The following SORCS1 variants were observed in gnomAD, a reference collection of about 807,000 sequenced individuals.
SORCS1 encodes the protein VPS10 domain-containing receptor SorCS1.
In SORCS1, 60 loss-of-function variants were observed where a neutral mutation model predicts 146.1. The observed-to-expected ratio is 0.41, with a 90% confidence interval of 0.33 to 0.51. The LOEUF is 0.51. SORCS1 is among the 20% of genes least tolerant of loss of function. The pLI, the probability that SORCS1 is intolerant of heterozygous loss-of-function variation, is 0.21. For synonymous variants in SORCS1, 637 were observed against 584.0 expected (o/e 1.09, Z -1.31); for missense variants, 1,352 against 1,487.6 (o/e 0.91, Z 1.50).
At chr10:106,911,824 G>T (rs1374096221) in intron 2 of SORCS1, among the ~76,000 whole-genome samples, 2 of 152,082 alleles carry the variant, frequency 1.3e-5, no homozygotes, top group Non-Finnish European at 2.9e-5. Flanking sequence ...ATTAAAAGCT[G>T]CTCAGGGACT....
intron 2 of SORCS1, among the ~76,000 whole-genome samples, chr10:106,903,264 T>C (rs1194250745): frequency 6.6e-6 from 1 of 152,218 alleles, no homozygotes; most frequent in East Asian, 1.9e-4. Context: ...TAAGGATTCA[T>C]GGACTCTTAT....
chr10:107,132,019 A>G (rs1294616791), intron 1 of SORCS1, among the ~76,000 whole-genome samples: 1 of 152,252 alleles, frequency 6.6e-6, no homozygotes, highest in Non-Finnish European at 1.5e-5. Flanking sequence ...AGAAAGTAGC[A>G]AAGTAAAACC....
intron 1 of SORCS1, among the ~76,000 whole-genome samples, chr10:107,123,973 G>A (rs1966550833): frequency 6.6e-6 from 1 of 151,220 alleles, no homozygotes; most frequent in South Asian, 2.1e-4. Context: ...TGTAGTCCCA[G>A]CTACTCGGGA....
At chr10:107,137,850 G>A (rs1164601226) in intron 1 of SORCS1, among the ~76,000 whole-genome samples, 6 of 135,048 alleles carry the variant, frequency 4.4e-5, no homozygotes, top group Admixed American at 3.0e-4. Flanking sequence ...CAACAAGAGC[G>A]AAACTCCGTC....
chr10:106,997,457 G>T (rs946024067), intron 1 of SORCS1, among the ~76,000 whole-genome samples: 3 of 152,086 alleles, frequency 2.0e-5, no homozygotes, highest in African/African-American at 7.2e-5. Context: ...AATTACTTAT[G>T]CTGCTACAGA....
chr10:106,642,347 C>T (rs987625682), intron 18 of SORCS1, among the ~76,000 whole-genome samples: 3 of 152,176 alleles, frequency 2.0e-5, no homozygotes, highest in African/African-American at 7.2e-5. Context: ...CATATAAGAA[C>T]CTAGCAGGGA....
At chr10:107,069,964 A>G (rs1649860472) in intron 1 of SORCS1, among the ~76,000 whole-genome samples, 1 of 152,218 alleles carries the variant, frequency 6.6e-6, no homozygotes, top group African/African-American at 2.4e-5. Flanking sequence ...ACCCCATAGC[A>G]GTAACTTCCC....
chr10:106,580,032 A>G (rs1315949995), intron 24 of SORCS1, among the ~76,000 whole-genome samples: 2 of 152,086 alleles, frequency 1.3e-5, no homozygotes, highest in Non-Finnish European at 2.9e-5. Context: ...AACCACCTGC[A>G]GGAATACATT....
intron 1 of SORCS1, among the ~76,000 whole-genome samples, chr10:107,133,568 A>C (rs1967031007): frequency 6.6e-6 from 1 of 152,100 alleles, no homozygotes; most frequent in East Asian, 1.9e-4. Flanking sequence ...TCATTTTCTG[A>C]GTTCCAACAT....
chr10:107,090,851 A>G (rs1365877349), intron 1 of SORCS1, among the ~76,000 whole-genome samples: 1 of 152,218 alleles, frequency 6.6e-6, no homozygotes, highest in East Asian at 1.9e-4. Flanking sequence ...ATATAGAAAG[A>G]GACGCTGTCA....
chr10:106,887,693 T>C (rs974226581), intron 2 of SORCS1, among the ~76,000 whole-genome samples: 3 of 152,132 alleles, frequency 2.0e-5, no homozygotes, highest in Non-Finnish European at 4.4e-5. Flanking sequence ...GCTTAAAACA[T>C]ACTCCTGCAC....
At chr10:106,798,955 C>T (rs1052705101) in intron 3 of SORCS1, among the ~76,000 whole-genome samples, 2 of 152,154 alleles carry the variant, frequency 1.3e-5, no homozygotes, top group Non-Finnish European at 2.9e-5. Context: ...AAGCTGGAGG[C>T]ATCACACTAC....
At chr10:106,652,228 A>C (rs774693797) in intron 18 of SORCS1, among the ~76,000 whole-genome samples, 154 bp downstream of exon 18, 2 of 152,208 alleles carry the variant, frequency 1.3e-5, no homozygotes, top group Non-Finnish European at 2.9e-5. Flanking sequence ...GTGAAGTGAT[A>C]ATAAAAGAAA....
chr10:106,671,249 G>T lies in SORCS1; in HGVS notation c.2177C>A (p.Ala726Asp). ...TGCACAAGCTCACCAATCAAAATCA[G>T]CCTCAGTGCAGACACAGGGTTCAGA... is the stretch of plus-strand genomic sequence containing the variant. ...MESEPCVCTEADFDCDYGYER... is the reference protein window; with the variant it reads ...MESEPCVCTEDDFDCDYGYER... Residue 726 changes from alanine (A) to aspartate (D), a missense_variant, in exon 16 of 26, where the codon GCT (alanine) becomes GAT (aspartate). Ala to Asp is a moderately radical substitution (Grantham distance 126). This residue lies in a region of SORCS1 where 648 missense variants were observed against 793.8 expected (regional missense o/e 0.82). Transcript: ENST00000263054. 7 of 1,614,050 alleles carry T rather than the reference G, an allele frequency of 4.3e-6. No individual in the cohort carries two copies. Among genetic ancestry groups the T allele is most frequent in the Middle Eastern group, 3.3e-4 (2 of 6,060 alleles).
rs74913889 is a variant in SORCS1 at position 106,743,901 on chromosome 10, G to A, written c.960-13787C>T. On this transcript the variant is annotated intron_variant, in intron 5 of 25. Coordinates refer to ENST00000263054, the MANE Select transcript of SORCS1 (RefSeq NM_052918.5). ...AATTAACCACCTTTAATATTTTGCT[G>A]TTAATCCTTCAGTACTTTTTCAGTG... Among the ~76,000 whole-genome samples the A allele has an allele frequency of 9.2e-3, 1,395 of 152,182 alleles. 22 individuals are homozygous for A. Among genetic ancestry groups the A allele is most frequent in the African/African-American group, 0.032 (1,325 of 41,526 alleles).
At chr10:106,727,085 CA>C (rs1255567074) in intron 6 of SORCS1, among the ~76,000 whole-genome samples, 2,388 of 101,596 alleles carry the variant, frequency 0.024, 27 homozygotes, top group African/African-American at 0.05. Context: ...GACTCTGTCT[CA>C]AAAAAAAAAA....
At chr10:106,915,910 G>C (rs1284687344) in intron 2 of SORCS1, among the ~76,000 whole-genome samples, 1 of 152,136 alleles carries the variant, frequency 6.6e-6, no homozygotes, top group African/African-American at 2.4e-5. Context: ...GAGGAGCAAT[G>C]GAAACTTCTA....
chr10:107,163,918 T>G, intron 1 of SORCS1, 51 bp downstream of exon 1: 1 of 1,563,784 alleles, frequency 6.4e-7, no homozygotes, highest in Admixed American at 1.7e-5. Flanking sequence ...ACAGCCGACT[T>G]TAACCCTTTC....
chr10:106,855,811 T>C (rs1238712847), intron 2 of SORCS1, among the ~76,000 whole-genome samples: 1 of 152,214 alleles, frequency 6.6e-6, no homozygotes, highest in Non-Finnish European at 1.5e-5. Flanking sequence ...CCTTAGCATG[T>C]TGATCATACA....
Sources: allele counts gnomAD v4.1 joint callset (sites outside exome capture counted in the v4.1 genomes callset), GRCh38; gene constraint gnomAD v4.1.1; regional missense constraint gnomAD v4.1.1; transcripts MANE v1.5; gene names NCBI Gene and HGNC (gene_info 2026-07-23, HGNC 2026-07-21).